Variants in RCOR1 observed in about 807,000 individuals in gnomAD.
The protein encoded by RCOR1 is REST corepressor.
RCOR1 carries 12 observed loss-of-function variants against 64.0 expected under a neutral mutation model. The ratio of observed to expected loss-of-function variants is 0.19; its 90% CI spans 0.12 to 0.30. The LOEUF (loss-of-function observed/expected upper bound fraction) is 0.30. Among genes scored for constraint, RCOR1 ranks in the 10% least tolerant of loss-of-function variants. The pLI is 1.00. For synonymous variants in RCOR1, 279 were observed against 227.2 expected, an observed-to-expected ratio of 1.23 and a Z score of -2.05; for missense variants, 502 against 621.2, an observed-to-expected ratio of 0.81 and a Z score of 2.04.
chr14:102,658,115 C>T, intron 2 of RCOR1: 1 of 206,580 alleles, frequency 4.8e-6, no homozygotes, highest in Non-Finnish European at 8.5e-6. Context: ...ATTGGGATTA[C>T]AGATGCCCAC....
At chr14:102,615,534 C>T (rs755145410) in intron 2 of RCOR1, among the ~76,000 whole-genome samples, 13 of 150,924 alleles carry the variant, frequency 8.6e-5, no homozygotes, top group Non-Finnish European at 1.3e-4. Context: ...CCGCAACCTC[C>T]ACCTCCTGGA....
At chr14:102,716,233 T>C (rs1896066417) in intron 8 of RCOR1, among the ~76,000 whole-genome samples, 1 of 152,214 alleles carries the variant, frequency 6.6e-6, no homozygotes, top group South Asian at 2.1e-4. Flanking sequence ...CTGTTTTTTT[T>C]CTGTCAGGTT....
intron 4 of RCOR1, among the ~76,000 whole-genome samples, chr14:102,705,722 G>A (rs896508404): frequency 3.3e-5 from 5 of 152,180 alleles, no homozygotes; most frequent in African/African-American, 9.7e-5. Flanking sequence ...GCCTCCCAGA[G>A]TGCTGGGGTT....
At chr14:102,701,352 TTTTGCTG>T (rs756919102) in intron 4 of RCOR1, 22 bp downstream of exon 4, 1 of 1,544,850 alleles carries the variant, frequency 6.5e-7, no homozygotes, top group African/African-American at 1.4e-5. Flanking sequence ...GTTTTCTTTC[TTTTGCTG>T]TTAAAAAATG....
At chr14:102,635,180 T>A (rs1335097866) in intron 2 of RCOR1, among the ~76,000 whole-genome samples, 4 of 152,124 alleles carry the variant, frequency 2.6e-5, no homozygotes, top group Non-Finnish European at 5.9e-5. Flanking sequence ...TTCTTCTCAG[T>A]ATATATGTCT....
At chr14:102,724,132 T>G (rs1285083532) in intron 11 of RCOR1, among the ~76,000 whole-genome samples, 2 of 152,128 alleles carry the variant, frequency 1.3e-5, no homozygotes, top group Non-Finnish European at 2.9e-5. Flanking sequence ...CACAGTCTAG[T>G]TATGGCTCCT....
intron 2 of RCOR1, among the ~76,000 whole-genome samples, chr14:102,664,361 C>T (rs568251383): frequency 3.3e-5 from 5 of 152,220 alleles, no homozygotes; most frequent in African/African-American, 7.2e-5. Flanking sequence ...ATCGTCTACC[C>T]GCCTGAGCCT....
At chr14:102,715,225 C>T (rs1034709839) in intron 8 of RCOR1, among the ~76,000 whole-genome samples, 3 of 151,906 alleles carry the variant, frequency 2.0e-5, no homozygotes, top group African/African-American at 4.8e-5. Context: ...CCCACCACCA[C>T]GCCCAGCTAA....
rs549285684 is a variant in RCOR1 at position 102,722,306 on chromosome 14, T to C, written c.1309T>C (p.Leu437=). ...YRRRFNIDEV[L]QEWEAEHGKE... ...ACGCCGCTTCAACATAGATGAAGTT[T>C]TACAAGAATGGGAGGCAGAACATGG... The change falls in exon 11 of 12, where the codon TTA becomes CTA. Residue 437 remains leucine (L), a synonymous_variant. Transcript: ENST00000262241. 1.2e-6 allele frequency: 2 copies of C among 1,614,160 alleles called. No homozygotes were observed. The highest frequency in any genetic ancestry group is 3.3e-5 in the Admixed American group (2 of 60,020).
chr14:102,608,017 C>T (rs1893549949), intron 2 of RCOR1, among the ~76,000 whole-genome samples: 1 of 151,970 alleles, frequency 6.6e-6, no homozygotes, highest in South Asian at 2.1e-4. Flanking sequence ...GATCACGCTA[C>T]TGCACTCAAG....
At chr14:102,673,334 ATT>A (rs34576884) in intron 2 of RCOR1, among the ~76,000 whole-genome samples, 167 of 127,440 alleles carry the variant, frequency 1.3e-3, no homozygotes, top group African/African-American at 4.0e-3. Flanking sequence ...CCAATCCCTG[ATT>A]TTTTTTTTTT....
intron 2 of RCOR1, among the ~76,000 whole-genome samples, chr14:102,624,770 T>C (rs1452251965): frequency 6.7e-6 from 1 of 148,812 alleles, no homozygotes; most frequent in Non-Finnish European, 1.5e-5. Flanking sequence ...TGTCTCCTCC[T>C]CAGAAAAAAA....
Position 102,689,060 on chromosome 14 carries a change from C to T in RCOR1, c.445+7082C>T, listed in dbSNP as rs563794681. ...CAGTCCCCTCTTGTCACTGTGCTTA[C>T]GTGTAGACCTACCTCAAGTTTGGAC... On this transcript the variant is annotated intron_variant, in intron 3 of 11. Coordinates refer to ENST00000262241, the MANE Select transcript of RCOR1 (RefSeq NM_015156.4). Among the ~76,000 whole-genome samples, 8 of 152,298 alleles carry T rather than the reference C, an allele frequency of 5.3e-5. No individual in the cohort carries two copies. The South Asian group carries it at 1.2e-3, about 24-fold the overall frequency.
At chr14:102,596,099 A>C (rs1893237346) in intron 2 of RCOR1, among the ~76,000 whole-genome samples, 1 of 151,524 alleles carries the variant, frequency 6.6e-6, no homozygotes, top group Non-Finnish European at 1.5e-5. Context: ...TAGAAATGAT[A>C]CAACATTTTT....
At chr14:102,614,646 C>G (rs56144222) in intron 2 of RCOR1, among the ~76,000 whole-genome samples, 4 of 152,156 alleles carry the variant, frequency 2.6e-5, no homozygotes, top group Non-Finnish European at 5.9e-5. Flanking sequence ...GGCAACAGGT[C>G]AGTTTCCATG....
intron 10 of RCOR1, 139 bp downstream of exon 10, chr14:102,721,516 A>G (rs1329927135): frequency 2.0e-6 from 1 of 495,060 alleles, no homozygotes; most frequent in African/African-American, 2.0e-5. Context: ...ACACCACTGC[A>G]TTCCAGCCTG....
chr14:102,662,024 G>A (rs1894834566), intron 2 of RCOR1, among the ~76,000 whole-genome samples: 1 of 152,152 alleles, frequency 6.6e-6, no homozygotes, highest in Non-Finnish European at 1.5e-5. Context: ...GCCTCTCAAA[G>A]TGCTGGGATT....
At chr14:102,630,061 C>T (rs779864348) in intron 2 of RCOR1, 272 of 855,828 alleles carry the variant, frequency 3.2e-4, no homozygotes, top group Non-Finnish European at 3.6e-4. Context: ...GTGGTTTGTC[C>T]TTAGCAAACC....
At chr14:102,605,578 A>ACTGC (rs547836929) in intron 2 of RCOR1, among the ~76,000 whole-genome samples, 47 of 152,320 alleles carry the variant, frequency 3.1e-4, no homozygotes, top group African/African-American at 1.0e-3. Flanking sequence ...AACCTACTGC[A>ACTGC]CTGCCAGTCT....
Sources: gnomAD v4.1 joint callset for allele counts (sites outside exome capture counted in the v4.1 genomes callset) on GRCh38, gnomAD v4.1.1 for gene constraint, MANE v1.5 for transcripts, NCBI Gene and HGNC (gene_info 2026-07-23, HGNC 2026-07-21) for gene names.